Variants in IL1RAPL1 observed in about 807,000 individuals in gnomAD.
IL1RAPL1 encodes the protein interleukin-1 receptor accessory protein-like 1.
Under a neutral mutation model 48.4 loss-of-function variants are expected in IL1RAPL1, and 3 were observed. That is an observed-to-expected ratio of 0.06 (90% CI 0.03 to 0.16). The LOEUF (loss-of-function observed/expected upper bound fraction) is 0.16, where lower values mean the gene tolerates loss of function less well. Ranked by LOEUF, IL1RAPL1 falls within the 10% of genes least tolerant of loss-of-function variation. IL1RAPL1 has a pLI of 1.00. For synonymous variants in IL1RAPL1, 185 were observed against 187.7 expected, an observed-to-expected ratio of 0.99 and a Z score of 0.12; for missense variants, 349 against 530.6, an observed-to-expected ratio of 0.66 and a Z score of 3.36.
At chrX:29,867,913 C>G (rs151331969) in intron 6 of IL1RAPL1, among the ~76,000 whole-genome samples, 152 of 112,054 alleles carry the variant, frequency 1.4e-3, no homozygotes, top group Non-Finnish European at 2.2e-3. Flanking sequence ...AATTTAGTTG[C>G]TGTTTGAGAA....
chrX:28,692,076 G>T (rs777572726), intron 1 of IL1RAPL1, among the ~76,000 whole-genome samples: 1 of 110,753 alleles, frequency 9.0e-6, no homozygotes, highest in African/African-American at 3.3e-5. Context: ...CAGACAGGGG[G>T]AAGGAGCGAG....
chrX:29,254,306 T>C (rs1299907884), intron 2 of IL1RAPL1, among the ~76,000 whole-genome samples: 3 of 111,993 alleles, frequency 2.7e-5, no homozygotes, highest in African/African-American at 9.7e-5. Flanking sequence ...TAATATTTTC[T>C]TGCTACAATT....
chrX:29,261,896 A>T (rs1931868357), intron 2 of IL1RAPL1, among the ~76,000 whole-genome samples: 1 of 111,314 alleles, frequency 9.0e-6, no homozygotes, highest in African/African-American at 3.3e-5. Context: ...GCAATGTATA[A>T]TATTATTTAA....
At chrX:29,707,050 G>C (rs986022518) in intron 6 of IL1RAPL1, among the ~76,000 whole-genome samples, 6 of 111,086 alleles carry the variant, frequency 5.4e-5, no homozygotes, top group Non-Finnish European at 1.1e-4. Flanking sequence ...ATGCAACAAA[G>C]GACTGATATC....
chrX:29,413,511 C>T (rs1377117770), intron 5 of IL1RAPL1, among the ~76,000 whole-genome samples: 3 of 92,746 alleles, frequency 3.2e-5, no homozygotes, highest in Non-Finnish European at 6.4e-5. Flanking sequence ...CCCCTACCCC[C>T]ACCCCACAAC....
At chrX:29,769,066 C>T (rs1454634339) in intron 6 of IL1RAPL1, among the ~76,000 whole-genome samples, 3 of 111,415 alleles carry the variant, frequency 2.7e-5, no homozygotes, top group Admixed American at 1.9e-4. Flanking sequence ...CCCCTAGAAA[C>T]CACTAATCTG....
At position 29,507,725 on chromosome X, in the gene IL1RAPL1, T is replaced by G. The variant is rs1176161999; in HGVS notation, c.703+108417T>G. ...GTTCAAGAAGCTAGCTAACATTCTG[T>G]TGTTTTCTTTACTGACAAATTTAAG... On this transcript the variant is annotated intron_variant, in intron 5 of 10. Coordinates refer to ENST00000378993, the MANE Select transcript of IL1RAPL1 (RefSeq NM_014271.4). Among the ~76,000 whole-genome samples, 4 of 110,351 alleles carry G rather than the reference T, an allele frequency of 3.6e-5. No homozygotes were observed. In the Admixed American group the frequency reaches 3.9e-4, roughly 11 times the overall value.
intron 2 of IL1RAPL1, among the ~76,000 whole-genome samples, chrX:29,062,172 A>G (rs1216276843): frequency 8.9e-6 from 1 of 112,393 alleles, no homozygotes; most frequent in Non-Finnish European, 1.9e-5. Flanking sequence ...ATTTTTCACT[A>G]TACCAGTAGA....
intron 5 of IL1RAPL1, among the ~76,000 whole-genome samples, chrX:29,516,651 A>T (rs768721594): frequency 2.9e-4 from 32 of 111,211 alleles, no homozygotes; most frequent in Non-Finnish European, 4.7e-4. Context: ...GTATGAATAT[A>T]CTCCAATTTA....
At position 28,931,640 on chromosome X, in the gene IL1RAPL1, G is replaced by A. The variant is rs950521072; in HGVS notation, c.82+142215G>A. Among the ~76,000 whole-genome samples the A allele has an allele frequency of 2.1e-4, 23 of 111,659 alleles. No homozygotes were observed. In the East Asian group the frequency reaches 6.2e-3, roughly 30 times the overall value. ...AAGTATTGTATCATTAATTTAAAAT[G>A]ATTACAATGTAGTTGAATTGTTATT... On this transcript the variant is annotated intron_variant, in intron 2 of 10. Coordinates refer to ENST00000378993, the MANE Select transcript of IL1RAPL1 (RefSeq NM_014271.4).
chrX:28,748,314 G>C, intron 1 of IL1RAPL1, among the ~76,000 whole-genome samples: 1 of 111,918 alleles, frequency 8.9e-6, no homozygotes, highest in Admixed American at 9.5e-5. Context: ...TTAAAAAATA[G>C]AGTAAGTGGA....
chrX:29,002,770 A>G lies in IL1RAPL1; in HGVS notation c.82+213345A>G, dbSNP rs1324925579. On this transcript the variant is annotated intron_variant, in intron 2 of 10. Transcript: ENST00000378993. ...TGAAGGTGGAAGACTGATTAAAACT[A>G]CCAAAAATATCATAGTGATAACACT... is the stretch of plus-strand genomic sequence containing the variant. 4.5e-5 allele frequency among the ~76,000 whole-genome samples: 5 copies of G among 112,028 alleles called. No homozygotes were observed. In the Admixed American group the frequency reaches 4.8e-4, roughly 11 times the overall value.
intron 6 of IL1RAPL1, among the ~76,000 whole-genome samples, chrX:29,703,014 A>G (rs1927093979): frequency 8.9e-6 from 1 of 112,321 alleles, no homozygotes; most frequent in Non-Finnish European, 1.9e-5. Flanking sequence ...CAAAGAGAAA[A>G]TCATCTTAGC....
intron 2 of IL1RAPL1, among the ~76,000 whole-genome samples, chrX:28,898,014 C>T: frequency 9.0e-6 from 1 of 111,140 alleles, no homozygotes; most frequent in Non-Finnish European, 1.9e-5. Context: ...CGGCCATTTT[C>T]ACTTCTTTTG....
chrX:28,607,752 T>C (rs1934102117), intron 1 of IL1RAPL1, among the ~76,000 whole-genome samples: 1 of 110,771 alleles, frequency 9.0e-6, no homozygotes, highest in African/African-American at 3.3e-5. Context: ...GAATAGTTAC[T>C]GGTGGGTGGG....
chrX:28,893,062 C>T (rs2147320862), intron 2 of IL1RAPL1, among the ~76,000 whole-genome samples: 1 of 110,920 alleles, frequency 9.0e-6, no homozygotes, highest in South Asian at 3.9e-4. Context: ...AAGAGCAGGG[C>T]ATTTATGAGT....
chrX:29,522,592 C>T lies in IL1RAPL1; in HGVS notation c.703+123284C>T, dbSNP rs778324451. On this transcript the variant is annotated intron_variant, in intron 5 of 10. Coordinates refer to ENST00000378993, the MANE Select transcript of IL1RAPL1 (RefSeq NM_014271.4). Reference sequence around the variant, plus strand: ...GAGACCCTCAGAGCATTTTTAAAAGCATGACATTTTAAATGTTAATTTTTA... The same window carrying T: ...GAGACCCTCAGAGCATTTTTAAAAGTATGACATTTTAAATGTTAATTTTTA... Among the ~76,000 whole-genome samples, 10 of 112,024 alleles carry T rather than the reference C, an allele frequency of 8.9e-5. No individual in the cohort carries two copies. In the East Asian group the frequency reaches 2.8e-3, roughly 31 times the overall value.
intron 8 of IL1RAPL1, among the ~76,000 whole-genome samples, chrX:29,928,731 T>C: frequency 8.9e-6 from 1 of 111,806 alleles, no homozygotes; most frequent in African/African-American, 3.2e-5. Context: ...TGGCTGCAAA[T>C]TCCTGCATTT....
At chrX:29,803,453 GTGTATATA>G (rs779098491) in intron 6 of IL1RAPL1, among the ~76,000 whole-genome samples, 3,436 of 94,215 alleles carry the variant, frequency 0.036, 81 homozygotes, top group Non-Finnish European at 0.049. Flanking sequence ...GTATATATGT[GTGTATATA>G]TGTATATATG....
Sources: gnomAD v4.1 joint callset for allele counts (sites outside exome capture counted in the v4.1 genomes callset) on GRCh38, gnomAD v4.1.1 for gene constraint, MANE v1.5 for transcripts, NCBI Gene and HGNC (gene_info 2026-07-23, HGNC 2026-07-21) for gene names.